Variants in KIAA1143 observed in about 807,000 individuals in gnomAD.
KIAA1143 encodes the protein KIAA1143.
A neutral mutation model predicts 17.0 loss-of-function variants in KIAA1143; 8 were observed. That is an observed-to-expected ratio of 0.47 (90% CI 0.28 to 0.85). The LOEUF (loss-of-function observed/expected upper bound fraction) is 0.85. KIAA1143 is among the 40% of genes least tolerant of loss of function. The pLI is 0.12. For synonymous variants in KIAA1143, 64 were observed against 67.8 expected (o/e 0.94, Z 0.27); for missense variants, 162 against 183.3 (o/e 0.88, Z 0.67).
intron 1 of KIAA1143, among the ~76,000 whole-genome samples, chr3:44,758,242 G>A (rs72874067): frequency 0.011 from 1,651 of 152,300 alleles, 28 homozygotes; most frequent in African/African-American, 0.037. Context: ...GGTGGTTGCT[G>A]AAAGGCGGGG....
At chr3:44,757,526 A>G (rs1704993000) in intron 1 of KIAA1143, among the ~76,000 whole-genome samples, 1 of 152,132 alleles carries the variant, frequency 6.6e-6, no homozygotes, top group South Asian at 2.1e-4. Flanking sequence ...AACAAATACA[A>G]CTGTTACCCA....
intron 1 of KIAA1143, among the ~76,000 whole-genome samples, chr3:44,761,074 C>A (rs545023449): frequency 6.6e-6 from 1 of 152,272 alleles, no homozygotes; most frequent in Admixed American, 6.5e-5. Flanking sequence ...GTTCCAGACT[C>A]GAGTCCTAGG....
At position 44,761,558 on chromosome 3, in the gene KIAA1143, C is replaced by T. The variant is rs567007940; in HGVS notation, c.45G>A (p.Pro15=). 5.5e-5 allele frequency: 88 copies of T among 1,614,106 alleles called. 1 individual carries two copies. The South Asian group carries it at 9.1e-4, about 17-fold the overall frequency. Residue 15 remains proline, a synonymous_variant, in exon 1 of 3, where the codon CCG becomes CCA. Transcript: ENST00000296121. The part of the protein sequence containing the change: ...NQVSYVRPAE[P]AFLARFKERV... Reference sequence around the variant, plus strand: ...GTTCCTTGAAGCGGGCCAGAAACGCCGGCTCGGCTGGCCGCACGTACGATA... The same window carrying T: ...GTTCCTTGAAGCGGGCCAGAAACGCTGGCTCGGCTGGCCGCACGTACGATA...
Position 44,749,041 on chromosome 3 carries a change from C to G in KIAA1143, c.*4300G>C, listed in dbSNP as rs1704856092. ...AATTTAGAGAGAGCCTATTTCAGGTCTTCCTAGCTCATCCACACACATCAC... is the reference window on the plus strand; with the variant it reads ...AATTTAGAGAGAGCCTATTTCAGGTGTTCCTAGCTCATCCACACACATCAC... On this transcript the variant is annotated 3_prime_UTR_variant, in exon 3 of 3. Coordinates refer to ENST00000296121, the MANE Select transcript of KIAA1143 (RefSeq NM_020696.4). 1.3e-5 allele frequency: 2 copies of G among 152,132 alleles called. No homozygotes were observed. The highest frequency in any genetic ancestry group is 1.3e-4 in the Admixed American group (2 of 15,264). 9.4% of individuals were successfully genotyped at this position (152,132 alleles called of 1,614,324 possible).
Position 44,748,961 on chromosome 3 carries a change from A to G in KIAA1143, c.*4380T>C, listed in dbSNP as rs1230335344. 6.6e-6 allele frequency: 1 copy of G among 152,210 alleles called. No individual in the cohort carries two copies. The highest frequency in any genetic ancestry group is 2.4e-5 in the African/African-American group (1 of 41,446). The allele number at this position is 152,210 out of a possible 1,614,324, so 9.4% of individuals were successfully genotyped here. On this transcript the variant is annotated 3_prime_UTR_variant, in exon 3 of 3. Transcript: ENST00000296121. Reference sequence around the variant, plus strand: ...GGGAAAAAACCCTGGCTTCTATAACAAGTGAGTATACATTAAAGACAGTAT... The same window carrying G: ...GGGAAAAAACCCTGGCTTCTATAACGAGTGAGTATACATTAAAGACAGTAT...
At position 44,750,496 on chromosome 3, in the gene KIAA1143, G is replaced by C. The variant is rs1704879728; in HGVS notation, c.*2845C>G. On this transcript the variant is annotated 3_prime_UTR_variant, in exon 3 of 3. Transcript: ENST00000296121. ...ACAGAAATAGCCACATTTGTCAACT[G>C]TGTCTTTATGGCTGTCTTAAGACTT... 7.0e-6 allele frequency: 1 copy of C among 141,864 alleles called. No individual in the cohort carries two copies. Among genetic ancestry groups the C allele is most frequent in the African/African-American group, 2.6e-5 (1 of 37,736 alleles). 8.8% of individuals were successfully genotyped at this position (141,864 alleles called of 1,614,324 possible).
rs1261322255 is a variant in KIAA1143 at position 44,749,486 on chromosome 3, G to T, written c.*3855C>A. The T allele has an allele frequency of 1.3e-5, 2 of 152,188 alleles. No homozygotes were observed. Among genetic ancestry groups the T allele is most frequent in the African/African-American group, 4.8e-5 (2 of 41,454 alleles). The allele number at this position is 152,188 out of a possible 1,614,324, so 9.4% of individuals were successfully genotyped here. On this transcript the variant is annotated 3_prime_UTR_variant, in exon 3 of 3. Transcript: ENST00000296121. ...ATTTCAGATGGATGTGGCTGGTAAGGATCTTAACAAGCCCCCAGTTTGGGC... is the reference window on the plus strand; with the variant it reads ...ATTTCAGATGGATGTGGCTGGTAAGTATCTTAACAAGCCCCCAGTTTGGGC...
intron 1 of KIAA1143, among the ~76,000 whole-genome samples, chr3:44,760,683 C>A (rs994150224): frequency 1.3e-5 from 2 of 149,690 alleles, no homozygotes. Flanking sequence ...CCACCAGGCC[C>A]GGCTTTTTTT....
In KIAA1143 at chr3:44,754,211, C is replaced by CT. The variant is rs1228927945; in HGVS notation, c.253+12dup. The CT allele has an allele frequency of 1.2e-6, 2 of 1,611,960 alleles. No individual in the cohort carries two copies. ...TTAAATTGTTAGAAAAACCAGATTA[C>CT]TTTTAGACCTACCTGCTTTGGCAGC... is the stretch of plus-strand genomic sequence containing the variant. On this transcript the variant is annotated intron_variant, in intron 2 of 2. Coordinates refer to ENST00000296121, the MANE Select transcript of KIAA1143 (RefSeq NM_020696.4).
chr3:44,755,644 C>T (rs1420639238), intron 1 of KIAA1143, among the ~76,000 whole-genome samples: 1 of 152,218 alleles, frequency 6.6e-6, no homozygotes, highest in Non-Finnish European at 1.5e-5. Flanking sequence ...CTGAGCAACT[C>T]CTACTCAAGC....
At position 44,749,287 on chromosome 3, in the gene KIAA1143, G is replaced by C. The variant is rs1218956340; in HGVS notation, c.*4054C>G. 6.6e-6 allele frequency: 1 copy of C among 152,158 alleles called. No homozygotes were observed. Among genetic ancestry groups the C allele is most frequent in the Non-Finnish European group, 1.5e-5 (1 of 68,056 alleles). The allele number at this position is 152,158 out of a possible 1,614,324, so 9.4% of individuals were successfully genotyped here. A position where few individuals can be genotyped will look rare whatever the true frequency, so the allele number is the denominator to read the frequency against. ...GACTGTAGTCCCAGATACTTGGGAG[G>C]CTGAGGCAAGAGAATGGTGTGAACC... On this transcript the variant is annotated 3_prime_UTR_variant, in exon 3 of 3. Transcript: ENST00000296121.
In KIAA1143 at chr3:44,754,087, C is replaced by T. The variant is rs151131650; in HGVS notation, c.253+137G>A. On this transcript the variant is annotated intron_variant, in intron 2 of 2. Coordinates refer to ENST00000296121, the MANE Select transcript of KIAA1143 (RefSeq NM_020696.4). ...GTGTAATAACTTGCTCAAGGTTACA[C>T]ATCTGGTAAGTGTCAAAGCTAAGGC... 9.5e-4 allele frequency: 722 copies of T among 762,946 alleles called. 6 individuals are homozygous for T. In the East Asian group the frequency reaches 0.017, roughly 18 times the overall value. 47.3% of individuals were successfully genotyped at this position (762,946 alleles called of 1,614,324 possible).
At chr3:44,755,106 A>G (rs1704950922) in intron 1 of KIAA1143, among the ~76,000 whole-genome samples, 1 of 152,232 alleles carries the variant, frequency 6.6e-6, no homozygotes, top group Non-Finnish European at 1.5e-5. Flanking sequence ...AACTCAAAAA[A>G]TATCTTTGTA....
At chr3:44,760,563 G>C (rs1399011663) in intron 1 of KIAA1143, among the ~76,000 whole-genome samples, 2 of 150,318 alleles carry the variant, frequency 1.3e-5, no homozygotes, top group African/African-American at 2.5e-5. Context: ...CTAATTTTTT[G>C]TATTTTTAGT....
intron 1 of KIAA1143, among the ~76,000 whole-genome samples, chr3:44,761,291 G>A (rs1336246665): frequency 6.6e-6 from 1 of 152,168 alleles, no homozygotes; most frequent in Admixed American, 6.5e-5. Context: ...ACACAGCAGC[G>A]CTCTGAAAAC....
rs1417591502 is a variant in KIAA1143 at position 44,752,631 on chromosome 3, C to T, written c.*710G>A. On this transcript the variant is annotated 3_prime_UTR_variant, in exon 3 of 3. Coordinates refer to ENST00000296121, the MANE Select transcript of KIAA1143 (RefSeq NM_020696.4). ...GCTCTGAGTCTTTTTACTAACATGA[C>T]CCAAAGCACATGGCTGCCTTCCTTA... 6.6e-6 allele frequency: 1 copy of T among 151,628 alleles called. No individual in the cohort carries two copies. Among genetic ancestry groups the T allele is most frequent in the East Asian group, 2.0e-4 (1 of 5,120 alleles). 9.4% of individuals were successfully genotyped at this position (151,628 alleles called of 1,614,324 possible). A position where few individuals can be genotyped will look rare whatever the true frequency, so the allele number is the denominator to read the frequency against.
In KIAA1143 at chr3:44,751,795, G is replaced by A. The variant is rs1464148041; in HGVS notation, c.*1546C>T. The A allele has an allele frequency of 6.6e-6, 1 of 152,142 alleles. No homozygotes were observed. Among genetic ancestry groups the A allele is most frequent in the Admixed American group, 6.6e-5 (1 of 15,266 alleles). 9.4% of individuals were successfully genotyped at this position (152,142 alleles called of 1,614,324 possible). ...AGATGATCATGTGACAAGATTTCTAGCCAGTTTCAGGAGAAGACACCACCG... is the reference window on the plus strand; with the variant it reads ...AGATGATCATGTGACAAGATTTCTAACCAGTTTCAGGAGAAGACACCACCG... On this transcript the variant is annotated 3_prime_UTR_variant, in exon 3 of 3. Transcript: ENST00000296121.
Position 44,749,555 on chromosome 3 carries a change from T to G in KIAA1143, c.*3786A>C, listed in dbSNP as rs1031645464. ...AAAATTGTTAGGATTAAGCAGGGTC[T>G]TGAGGAATCACCTCTAAAGGCTCAG... On this transcript the variant is annotated 3_prime_UTR_variant, in exon 3 of 3. Coordinates refer to ENST00000296121, the MANE Select transcript of KIAA1143 (RefSeq NM_020696.4). The G allele has an allele frequency of 2.0e-4, 31 of 152,206 alleles. No individual in the cohort carries two copies. Among genetic ancestry groups the G allele is most frequent in the African/African-American group, 7.2e-4 (30 of 41,456 alleles). The allele number at this position is 152,206 out of a possible 1,614,324, so 9.4% of individuals were successfully genotyped here. A position where few individuals can be genotyped will look rare whatever the true frequency, so the allele number is the denominator to read the frequency against.
At position 44,750,323 on chromosome 3, in the gene KIAA1143, T is replaced by C. The variant is rs1434170770; in HGVS notation, c.*3018A>G. On this transcript the variant is annotated 3_prime_UTR_variant, in exon 3 of 3. Transcript: ENST00000296121. Reference sequence around the variant, plus strand: ...TAATGTTTGAATTATACAGGAAACATTGTCAAGTGTGAGGTGGTGTTTAGC... The same window carrying C: ...TAATGTTTGAATTATACAGGAAACACTGTCAAGTGTGAGGTGGTGTTTAGC... 2.0e-5 allele frequency: 3 copies of C among 152,240 alleles called. No homozygotes were observed. Among genetic ancestry groups the C allele is most frequent in the East Asian group, 3.8e-4 (2 of 5,198 alleles). 9.4% of individuals were successfully genotyped at this position (152,240 alleles called of 1,614,324 possible). A position where few individuals can be genotyped will look rare whatever the true frequency, so the allele number is the denominator to read the frequency against.
Sources: allele counts gnomAD v4.1 joint callset (sites outside exome capture counted in the v4.1 genomes callset), GRCh38; gene constraint gnomAD v4.1.1; transcripts MANE v1.5; gene names NCBI Gene and HGNC (gene_info 2026-07-23, HGNC 2026-07-21).